Variants in ERBB4 observed in about 807,000 individuals in gnomAD.
ERBB4 encodes the protein erb-b2 receptor tyrosine kinase 4.
ERBB4 carries 42 observed loss-of-function variants against 158.0 expected under a neutral mutation model. The ratio of observed to expected loss-of-function variants is 0.27; its 90% CI spans 0.21 to 0.34. The LOEUF (loss-of-function observed/expected upper bound fraction) is 0.34. Ranked by LOEUF, ERBB4 falls within the 10% of genes least tolerant of loss-of-function variation. The pLI, the probability that ERBB4 is intolerant of heterozygous loss-of-function variation, is 1.00. For synonymous variants in ERBB4, 583 were observed against 558.7 expected (o/e 1.04, Z -0.61); for missense variants, 1,333 against 1,624.1 (o/e 0.82, Z 3.08).
chr2:211,944,689 A>G (rs1302395510), intron 3 of ERBB4, among the ~76,000 whole-genome samples: 1 of 152,172 alleles, frequency 6.6e-6, no homozygotes, highest in Non-Finnish European at 1.5e-5. Context: ...TTGGTAACAT[A>G]CCATTAATTA....
intron 1 of ERBB4, among the ~76,000 whole-genome samples, chr2:212,510,304 A>C (rs896128074): frequency 4.6e-5 from 7 of 150,548 alleles, no homozygotes; most frequent in African/African-American, 1.5e-4. Context: ...TATAAATAAA[A>C]CAAGTGTACA....
intron 1 of ERBB4, among the ~76,000 whole-genome samples, chr2:212,457,230 TA>T (rs1423179840): frequency 1.3e-5 from 2 of 152,046 alleles, no homozygotes; most frequent in African/African-American, 2.4e-5. Context: ...TAAATATATA[TA>T]TTTTTAAGCC....
intron 20 of ERBB4, among the ~76,000 whole-genome samples, chr2:211,518,426 C>T (rs139147335): frequency 0.01 from 1,541 of 152,122 alleles, 19 homozygotes; most frequent in Non-Finnish European, 0.016. Context: ...GAGGCCAAGG[C>T]GGGCAGATCA....
chr2:212,465,719 T>G lies in ERBB4; in HGVS notation c.82+72730A>C, dbSNP rs367794949. Among the ~76,000 whole-genome samples, 3 of 152,290 alleles carry G rather than the reference T, an allele frequency of 2.0e-5. No homozygotes were observed. The East Asian group carries it at 5.8e-4, about 29-fold the overall frequency. ...TTCATTACCTCCCTAACCAATATAT[T>G]TTTGTGCTTTCCACCATTTATACCT... On this transcript the variant is annotated intron_variant, in intron 1 of 27. Transcript: ENST00000342788.
chr2:212,072,940 AAACAACAAC>A (rs143177646), intron 2 of ERBB4, among the ~76,000 whole-genome samples: 17,510 of 151,712 alleles, frequency 0.12, 1,258 homozygotes, highest in African/African-American at 0.2. Context: ...AGCACACATC[AAACAACAAC>A]AACAACAACA....
chr2:212,105,047 G>A (rs761568020), intron 2 of ERBB4, among the ~76,000 whole-genome samples: 1 of 152,020 alleles, frequency 6.6e-6, no homozygotes, highest in Non-Finnish European at 1.5e-5. Flanking sequence ...AAAAAACCTG[G>A]GGACTAGAAT....
intron 20 of ERBB4, among the ~76,000 whole-genome samples, chr2:211,469,734 T>G (rs2064785199): frequency 6.6e-6 from 1 of 152,206 alleles, no homozygotes; most frequent in Non-Finnish European, 1.5e-5. Flanking sequence ...CTTAGTCATA[T>G]AAAATCTTTG....
chr2:212,108,765 G>C (rs17344266), intron 2 of ERBB4, among the ~76,000 whole-genome samples: 72,990 of 142,398 alleles, frequency 0.51, 19,194 homozygotes, highest in Non-Finnish European at 0.59. Context: ...CAGAGCATCT[G>C]CTGAGGAAGT....
At chr2:211,660,811 C>T (rs2071397762) in intron 15 of ERBB4, among the ~76,000 whole-genome samples, 3 of 152,134 alleles carry the variant, frequency 2.0e-5, no homozygotes, top group Admixed American at 2.0e-4. Flanking sequence ...AAGATGAGTT[C>T]TTTGTGCCAG....
intron 22 of ERBB4, 112 bp from the exon 23 acceptor site, chr2:211,424,413 C>CAATT: frequency 1.5e-6 from 1 of 666,526 alleles, no homozygotes; most frequent in African/African-American, 1.9e-5. Flanking sequence ...AAACACCAAT[C>CAATT]AATTAAAAAA....
chr2:212,471,227 T>G (rs1471762850), intron 1 of ERBB4, among the ~76,000 whole-genome samples: 3 of 152,068 alleles, frequency 2.0e-5, no homozygotes, highest in Non-Finnish European at 2.9e-5. Context: ...CCATTTCATA[T>G]TGGAGAAATG....
rs76548234 is a variant in ERBB4, at chr2:211,500,484, C to T, written c.2487+61419G>A. 1.4e-3 allele frequency among the ~76,000 whole-genome samples: 216 copies of T among 152,140 alleles called. 4 individuals are homozygous for T. In the East Asian group the frequency reaches 0.041, roughly 29 times the overall value. On this transcript the variant is annotated intron_variant, in intron 20 of 27. Transcript: ENST00000342788. Reference sequence around the variant, plus strand: ...TCATGTATTAATAGGTTTGATTCTACAAAAATATGAATCTAACCCATTAAA... The same window carrying T: ...TCATGTATTAATAGGTTTGATTCTATAAAAATATGAATCTAACCCATTAAA...
chr2:211,810,068 T>C (rs1170697482), intron 3 of ERBB4, among the ~76,000 whole-genome samples: 1 of 152,214 alleles, frequency 6.6e-6, no homozygotes, highest in Non-Finnish European at 1.5e-5. Context: ...TTTGTTGTGA[T>C]TTCTGTTCTT....
chr2:211,844,140 A>T (rs2077539197), intron 3 of ERBB4, among the ~76,000 whole-genome samples: 2 of 151,894 alleles, frequency 1.3e-5, no homozygotes, highest in African/African-American at 4.8e-5. Context: ...GAAAACACTA[A>T]TTTTTTTGAC....
chr2:211,418,395 G>C (rs956675037), intron 25 of ERBB4, among the ~76,000 whole-genome samples: 2 of 152,052 alleles, frequency 1.3e-5, no homozygotes, highest in African/African-American at 2.4e-5. Context: ...AACATAAAAT[G>C]ATACAATGAT....
chr2:211,603,226 G>T (rs912026654), intron 19 of ERBB4, among the ~76,000 whole-genome samples: 1 of 149,198 alleles, frequency 6.7e-6, no homozygotes, highest in Non-Finnish European at 1.5e-5. Context: ...GCAAGACTCC[G>T]TCTCAATAAA....
At chr2:211,743,712 A>G (rs2074869665) in intron 5 of ERBB4, among the ~76,000 whole-genome samples, 1 of 152,214 alleles carries the variant, frequency 6.6e-6, no homozygotes, top group Non-Finnish European at 1.5e-5. Flanking sequence ...CACATAGCAG[A>G]TAAGTTTGTC....
rs2062510853 is a variant in ERBB4 at position 211,378,124 on chromosome 2, G to T, written c.*5491C>A. On this transcript the variant is annotated 3_prime_UTR_variant, in exon 28 of 28. Coordinates refer to ENST00000342788, the MANE Select transcript of ERBB4 (RefSeq NM_005235.3). ...GAAAGGGAAGAGAGCAGTGCCAGTT[G>T]TGTCAATGGGCAAAAAAGGGAAGGA... 2 of 233,016 alleles carry T rather than the reference G, an allele frequency of 8.6e-6. No homozygotes were observed. Among genetic ancestry groups the T allele is most frequent in the African/African-American group, 4.4e-5 (2 of 45,282 alleles). The allele number at this position is 233,016 out of a possible 1,614,324, so 14.4% of individuals were successfully genotyped here. A position where few individuals can be genotyped will look rare whatever the true frequency, so the allele number is the denominator to read the frequency against.
At chr2:212,469,434 T>G (rs539214120) in intron 1 of ERBB4, among the ~76,000 whole-genome samples, 1 of 152,198 alleles carries the variant, frequency 6.6e-6, no homozygotes, top group Non-Finnish European at 1.5e-5. Context: ...TTTCAGTCTA[T>G]GTCCTGATAA....
Sources: gnomAD v4.1 joint callset for allele counts (sites outside exome capture counted in the v4.1 genomes callset) on GRCh38, gnomAD v4.1.1 for gene constraint, MANE v1.5 for transcripts, NCBI Gene and HGNC (gene_info 2026-07-23, HGNC 2026-07-21) for gene names.